The following UNC80 variants were observed in gnomAD, a reference collection of about 807,000 sequenced individuals.
The protein encoded by UNC80 is protein unc-80 homolog.
A neutral mutation model predicts 384.6 loss-of-function variants in UNC80; 164 were observed. The observed-to-expected ratio is 0.43, with a 90% CI of 0.38 to 0.49. The LOEUF is 0.49. Among genes scored for constraint, UNC80 ranks in the 20% least tolerant of loss-of-function variants. The pLI is 0.00. For missense variants in UNC80, 3,330 were observed against 4,143.0 expected (o/e 0.80, Z 5.39); for synonymous variants, 1,486 against 1,527.8 (o/e 0.97, Z 0.64).
chr2:209,776,243 T>A (rs1448760060), intron 3 of UNC80, among the ~76,000 whole-genome samples, 198 bp downstream of exon 3: 1 of 152,234 alleles, frequency 6.6e-6, no homozygotes, highest in African/African-American at 2.4e-5. Flanking sequence ...GTCTTGTTTT[T>A]AATTTTTTAA....
intron 48 of UNC80, chr2:209,954,478 T>C: frequency 2.6e-6 from 1 of 383,706 alleles, no homozygotes; most frequent in Non-Finnish European, 4.6e-6. Context: ...TTAGTAGTAG[T>C]ATAATAATAG....
At chr2:209,899,702 G>A (rs1044534463) in intron 28 of UNC80, among the ~76,000 whole-genome samples, 1 of 152,080 alleles carries the variant, frequency 6.6e-6, no homozygotes, top group Non-Finnish European at 1.5e-5. Flanking sequence ...GAGAGTCTGG[G>A]GTATGTCACA....
At chr2:209,979,250 A>G (rs919024499) in intron 59 of UNC80, among the ~76,000 whole-genome samples, 2 of 152,220 alleles carry the variant, frequency 1.3e-5, no homozygotes, top group Non-Finnish European at 2.9e-5. Flanking sequence ...CTCTGTCTCA[A>G]AAACAACAAC....
At chr2:209,873,247 A>G (rs1302697027) in intron 23 of UNC80, among the ~76,000 whole-genome samples, 1 of 152,252 alleles carries the variant, frequency 6.6e-6, no homozygotes, top group Non-Finnish European at 1.5e-5. Flanking sequence ...TAGTAAGTAG[A>G]GGAACCACTA....
At chr2:209,832,531 T>C (rs2081047864) in intron 16 of UNC80, among the ~76,000 whole-genome samples, 1 of 152,148 alleles carries the variant, frequency 6.6e-6, no homozygotes, top group South Asian at 2.1e-4. Context: ...TGTACTCAAA[T>C]CAAGGAAATT....
At chr2:209,853,403 C>CAA (rs1465644921) in intron 22 of UNC80, among the ~76,000 whole-genome samples, 1 of 151,862 alleles carries the variant, frequency 6.6e-6, no homozygotes, top group Non-Finnish European at 1.5e-5. Context: ...TGTCAGTGTT[C>CAA]AAAGTTTTGC....
At chr2:209,891,633 T>C (rs2086340057) in intron 26 of UNC80, among the ~76,000 whole-genome samples, 1 of 152,148 alleles carries the variant, frequency 6.6e-6, no homozygotes, top group Non-Finnish European at 1.5e-5. Context: ...ATTTCAACAC[T>C]CAAATGCTGA....
chr2:209,818,403 T>C (rs755576175), intron 11 of UNC80, among the ~76,000 whole-genome samples: 4 of 152,110 alleles, frequency 2.6e-5, no homozygotes, highest in Non-Finnish European at 5.9e-5. Flanking sequence ...GCAGCAAACA[T>C]GTGTCTCTGG....
At chr2:209,934,037 T>C in intron 39 of UNC80, 32 bp downstream of exon 39, 1 of 1,492,434 alleles carries the variant, frequency 6.7e-7, no homozygotes, top group Non-Finnish European at 8.9e-7. Flanking sequence ...GTAACATAAC[T>C]TTAAAAAAAA....
At chr2:209,939,715 A>T (rs80250444) in intron 43 of UNC80, 63 bp downstream of exon 43, 47,776 of 1,359,116 alleles carry the variant, frequency 0.035, 1,503 homozygotes, top group South Asian at 0.13. Flanking sequence ...GTTTTTTTTT[A>T]AAATTTTATT....
At chr2:209,851,654 A>T (rs1220827654) in intron 22 of UNC80, among the ~76,000 whole-genome samples, 3 of 151,822 alleles carry the variant, frequency 2.0e-5, no homozygotes, top group African/African-American at 7.3e-5. Flanking sequence ...TTGTATAGTG[A>T]TTTTTTTTCC....
At chr2:209,897,236 G>T (rs375682663) in intron 28 of UNC80, among the ~76,000 whole-genome samples, 5 of 152,056 alleles carry the variant, frequency 3.3e-5, no homozygotes, top group East Asian at 1.9e-4. Context: ...TATGTATACA[G>T]CTCAATACAT....
intron 35 of UNC80, among the ~76,000 whole-genome samples, chr2:209,922,823 G>A (rs2090145266): frequency 6.7e-6 from 1 of 150,174 alleles, no homozygotes. Flanking sequence ...TTTTGTTTTT[G>A]TTTTTATTCA....
At position 209,896,412 on chromosome 2, in the gene UNC80, A is replaced by T. The variant is rs778538035; in HGVS notation, c.4580A>T (p.His1527Leu). ...TACCACAGAAACATGTCGTGGCTTC[A>T]TGTAAGTAGGAATCTCAGAAACAGC... ...ENYHRNMSWL[H>L]VMILLCNQQS... Residue 1527 changes from histidine to leucine, a missense_variant and splice_region_variant, in exon 28 of 65, where the codon CAT becomes CTT. His to Leu is a moderately conservative substitution (Grantham distance 99). This residue lies in a region of UNC80 where 801 missense variants were observed against 950.8 expected (regional missense o/e 0.84). Coordinates refer to ENST00000673920, the MANE Select transcript of UNC80 (RefSeq NM_001371986.1). The T allele has an allele frequency of 6.4e-7, 1 of 1,551,242 alleles. No homozygotes were observed. The highest frequency in any genetic ancestry group is 1.2e-5 in the South Asian group (1 of 84,048).
At chr2:209,941,196 T>G (rs201113247) in intron 43 of UNC80, 25 bp from the exon 44 acceptor site, 1 of 1,483,048 alleles carries the variant, frequency 6.7e-7, no homozygotes, top group Non-Finnish European at 9.1e-7. Context: ...GCTAATTCTG[T>G]CTCTGCTGTT....
chr2:209,941,195 G>C, intron 43 of UNC80, 26 bp from the exon 44 acceptor site: 1 of 1,482,698 alleles, frequency 6.7e-7, no homozygotes, highest in Non-Finnish European at 9.1e-7. Context: ...GGCTAATTCT[G>C]TCTCTGCTGT....
chr2:209,956,474 CAGGCACCACTCTGCATTGAGA>C (rs2092421424), intron 48 of UNC80, among the ~76,000 whole-genome samples: 1 of 152,194 alleles, frequency 6.6e-6, no homozygotes, highest in South Asian at 2.1e-4. Flanking sequence ...GGCTGTCAGC[CAGGCACCACTCTGCATTGAGA>C]AGGCACCTGC....
At chr2:209,948,733 T>C (rs1313699667) in intron 47 of UNC80, among the ~76,000 whole-genome samples, 2 of 152,298 alleles carry the variant, frequency 1.3e-5, no homozygotes, top group South Asian at 4.1e-4. Flanking sequence ...GTTTCATTTC[T>C]GATCCCGGGG....
chr2:209,901,521 T>G lies in UNC80; in HGVS notation c.4582-3244T>G, dbSNP rs765388395. On this transcript the variant is annotated intron_variant, in intron 28 of 64. Coordinates refer to ENST00000673920, the MANE Select transcript of UNC80 (RefSeq NM_001371986.1). ...AATGTGGCTGGTCACTCAAGAGCTC[T>G]GATGGAAGTGTGCAAGAAGATTAAT... Among the ~76,000 whole-genome samples, 10 of 152,326 alleles carry G rather than the reference T, an allele frequency of 6.6e-5. No individual in the cohort carries two copies. In the South Asian group the frequency reaches 1.0e-3, roughly 16 times the overall value.
Sources: allele counts gnomAD v4.1 joint callset (sites outside exome capture counted in the v4.1 genomes callset), GRCh38; gene constraint gnomAD v4.1.1; regional missense constraint gnomAD v4.1.1; transcripts MANE v1.5; gene names NCBI Gene and HGNC (gene_info 2026-07-23, HGNC 2026-07-21).